Variants in GLRA3 observed in about 807,000 individuals in gnomAD.
GLRA3 encodes the protein glycine receptor subunit alpha-3.
GLRA3 carries 44 observed loss-of-function variants against 60.4 expected under a neutral mutation model. That is an observed-to-expected ratio of 0.73 (90% CI 0.57 to 0.94). The LOEUF is 0.94. Ranked by LOEUF, GLRA3 falls within the 40% of genes least tolerant of loss-of-function variation. The pLI, the probability that GLRA3 is intolerant of heterozygous loss-of-function variation, is 0.00. For synonymous variants in GLRA3, 223 were observed against 192.9 expected, an observed-to-expected ratio of 1.16 and a Z score of -1.29; for missense variants, 508 against 564.6, an observed-to-expected ratio of 0.90 and a Z score of 1.02.
At chr4:174,647,282 C>T (rs185746475) in intron 9 of GLRA3, among the ~76,000 whole-genome samples, 1 of 152,124 alleles carries the variant, frequency 6.6e-6, no homozygotes, top group Non-Finnish European at 1.5e-5. Flanking sequence ...GTGGTGGGCG[C>T]CTGTGGGCCC....
chr4:174,765,079 G>A (rs549875436), intron 3 of GLRA3, among the ~76,000 whole-genome samples: 38 of 152,164 alleles, frequency 2.5e-4, no homozygotes, highest in African/African-American at 7.5e-4. Context: ...GATGGAGTAT[G>A]TAGGTAAGGA....
chr4:174,801,612 T>A (rs1739817364), intron 1 of GLRA3, among the ~76,000 whole-genome samples: 1 of 152,124 alleles, frequency 6.6e-6, no homozygotes, highest in Non-Finnish European at 1.5e-5. Flanking sequence ...TCCATCCTGT[T>A]GGCCTTACCA....
chr4:174,798,582 T>C lies in GLRA3; in HGVS notation c.72-9639A>G, dbSNP rs189977086. Among the ~76,000 whole-genome samples, 371 of 152,130 alleles carry C rather than the reference T, an allele frequency of 2.4e-3. 1 individual carries two copies. The highest frequency in any genetic ancestry group is 4.3e-3 in the Non-Finnish European group (295 of 68,014). ...CAGTGAAGTAGGCCTTAAGTTAATT[T>C]TTGGACATTAATAATTAAAAAAAGA... is the stretch of plus-strand genomic sequence containing the variant. On this transcript the variant is annotated intron_variant, in intron 1 of 9. Coordinates refer to ENST00000274093, the MANE Select transcript of GLRA3 (RefSeq NM_006529.4).
Position 174,677,270 on chromosome 4 carries a change from C to T in GLRA3, c.735G>A (p.Val245=). Residue 245 remains valine, a synonymous_variant, in exon 7 of 10, where the codon GTG becomes GTA. Transcript: ENST00000274093. ...YNTGKFTCIE[V]RFHLERQMGY... is the part of the protein sequence containing the mutation. ...CCATTTGTCGCTCCAGATGGAATCG[C>T]ACTTCTATACACGTAAACTTTCCTA... 1 of 1,606,886 alleles carries T rather than the reference C, an allele frequency of 6.2e-7. No homozygotes were observed. Among genetic ancestry groups the T allele is most frequent in the Non-Finnish European group, 8.5e-7 (1 of 1,174,048 alleles).
At chr4:174,744,103 A>C (rs6818269) in intron 3 of GLRA3, among the ~76,000 whole-genome samples, 1 of 152,126 alleles carries the variant, frequency 6.6e-6, no homozygotes, top group South Asian at 2.1e-4. Flanking sequence ...GTGGTGCTGC[A>C]GCCATCAAAA....
chr4:174,721,812 A>AT (rs1554015705), intron 4 of GLRA3, among the ~76,000 whole-genome samples: 1 of 151,628 alleles, frequency 6.6e-6, no homozygotes, highest in African/African-American at 2.4e-5. Flanking sequence ...TATATGAAAA[A>AT]ATATGTGTGT....
intron 4 of GLRA3, chr4:174,722,589 C>G (rs1359043239): frequency 6.5e-6 from 1 of 152,722 alleles, no homozygotes; most frequent in African/African-American, 2.4e-5. Context: ...TGTTTTTTCC[C>G]CATTACTTTC....
At chr4:174,680,854 G>C (rs1734315529) in intron 6 of GLRA3, among the ~76,000 whole-genome samples, 1 of 152,102 alleles carries the variant, frequency 6.6e-6, no homozygotes, top group Non-Finnish European at 1.5e-5. Context: ...TTATAAATGT[G>C]GTTCTTAGGT....
chr4:174,778,210 G>A (rs543720712), intron 2 of GLRA3, among the ~76,000 whole-genome samples: 30 of 152,104 alleles, frequency 2.0e-4, no homozygotes, highest in Middle Eastern at 3.4e-3. Flanking sequence ...TCACTGGGCC[G>A]GTTCTGTTTC....
At position 174,747,047 on chromosome 4, in the gene GLRA3, C is replaced by G. The variant is rs1337702482; in HGVS notation, c.268-18349G>C. 3.3e-5 allele frequency among the ~76,000 whole-genome samples: 5 copies of G among 152,106 alleles called. No homozygotes were observed. In the East Asian group the frequency reaches 9.6e-4, roughly 29 times the overall value. On this transcript the variant is annotated intron_variant, in intron 3 of 9. Transcript: ENST00000274093. ...GTTACACTCAGAATTTGTTTGTTTA[C>G]ATAATTATAATCAAACTACATATAT... is the stretch of plus-strand genomic sequence containing the variant.
intron 3 of GLRA3, among the ~76,000 whole-genome samples, chr4:174,746,400 A>C (rs1579543562): frequency 6.6e-6 from 1 of 152,182 alleles, no homozygotes; most frequent in East Asian, 1.9e-4. Context: ...GTATGGAAAG[A>C]CAAATATTGC....
intron 8 of GLRA3, 148 bp downstream of exon 8, chr4:174,658,906 T>C: frequency 1.6e-6 from 1 of 645,000 alleles, no homozygotes; most frequent in East Asian, 2.9e-5. Flanking sequence ...TTTGACACTT[T>C]TAGTTTGGAT....
intron 5 of GLRA3, among the ~76,000 whole-genome samples, chr4:174,683,253 A>G (rs1313369119): frequency 2.6e-5 from 4 of 152,208 alleles, no homozygotes; most frequent in African/African-American, 7.2e-5. Flanking sequence ...TAATTTTGTA[A>G]TTTTCATTTT....
chr4:174,698,855 G>A (rs931896814), intron 5 of GLRA3, among the ~76,000 whole-genome samples: 4 of 151,964 alleles, frequency 2.6e-5, no homozygotes, highest in Admixed American at 2.0e-4. Flanking sequence ...ACTAAAATTC[G>A]CATTTAATAC....
chr4:174,663,303 G>A (rs1432810926), intron 7 of GLRA3, among the ~76,000 whole-genome samples: 1 of 151,934 alleles, frequency 6.6e-6, no homozygotes, highest in Non-Finnish European at 1.5e-5. Context: ...CTGTAATTCG[G>A]CCAGAAATTT....
chr4:174,703,401 G>A (rs1735398750), intron 5 of GLRA3, among the ~76,000 whole-genome samples: 1 of 152,060 alleles, frequency 6.6e-6, no homozygotes, highest in Non-Finnish European at 1.5e-5. Flanking sequence ...TAATGTAAAT[G>A]CTTGAATCAC....
intron 5 of GLRA3, among the ~76,000 whole-genome samples, chr4:174,684,033 T>G (rs1734458857): frequency 6.6e-6 from 1 of 152,166 alleles, no homozygotes; most frequent in Non-Finnish European, 1.5e-5. Context: ...ACATTATATT[T>G]TTATCATGGA....
In GLRA3 at chr4:174,818,628, T is replaced by G. The variant is rs1740606238; in HGVS notation, c.71+10113A>C. ...TCAGAGATTTAAGGGGAAAAATATT[T>G]TAGAATCTTTTCAACTGTTTTAAGG... On this transcript the variant is annotated intron_variant, in intron 1 of 9. Transcript: ENST00000274093. Among the ~76,000 whole-genome samples the G allele has an allele frequency of 2.0e-5, 3 of 152,320 alleles. No individual in the cohort carries two copies. In the South Asian group the frequency reaches 6.2e-4, roughly 32 times the overall value.
chr4:174,742,873 T>C (rs77537175), intron 3 of GLRA3, among the ~76,000 whole-genome samples: 3,281 of 152,262 alleles, frequency 0.022, 80 homozygotes, highest in South Asian at 0.06. Context: ...GATGATACCA[T>C]AGAAGAGAGA....
Sources: gnomAD v4.1 joint callset for allele counts (sites outside exome capture counted in the v4.1 genomes callset) on GRCh38, gnomAD v4.1.1 for gene constraint, MANE v1.5 for transcripts, NCBI Gene and HGNC (gene_info 2026-07-23, HGNC 2026-07-21) for gene names.